The following HEATR6 variants were observed in gnomAD, a reference collection of about 807,000 sequenced individuals.
HEATR6 encodes the protein HEAT repeat-containing protein 6.
HEATR6 carries 106 observed loss-of-function variants against 132.8 expected under a neutral mutation model. The observed-to-expected ratio is 0.80, with a 90% CI of 0.68 to 0.94. The LOEUF is 0.94. HEATR6 is among the 40% of genes least tolerant of loss of function. The probability of loss-of-function intolerance (pLI) is 0.00; values close to 1 mark genes in which losing one functional copy is unlikely to be tolerated. For missense variants in HEATR6, 1,339 were observed against 1,425.1 expected (o/e 0.94, Z 0.97); for synonymous variants, 529 against 537.8 (o/e 0.98, Z 0.23).
At chr17:60,047,484 G>T in intron 17 of HEATR6, 79 bp from the exon 18 acceptor site, 1 of 686,744 alleles carries the variant, frequency 1.5e-6, no homozygotes, top group Non-Finnish European at 2.3e-6. Flanking sequence ...TATTCAATTA[G>T]TATAAGCCTA....
chr17:60,056,268 A>T, intron 12 of HEATR6, 31 bp from the exon 13 acceptor site: 1 of 1,593,010 alleles, frequency 6.3e-7, no homozygotes, highest in Non-Finnish European at 8.6e-7. Flanking sequence ...TAACCCTCTA[A>T]GACCTGAGTG....
chr17:60,078,838 C>A lies in HEATR6; in HGVS notation c.77G>T (p.Arg26Leu), dbSNP rs201049194. 1.4e-5 allele frequency: 23 copies of A among 1,604,066 alleles called. No individual in the cohort carries two copies. Among genetic ancestry groups the A allele is most frequent in the Non-Finnish European group, 2.0e-5 (23 of 1,176,734 alleles). ...REAPREAIPE[R>L]GNGFRLLSAR... ...AGACAAGAGGCGAAACCCATTGCCT[C>A]GCTCAGGGATTGCTTCCCGCGGTGC... Residue 26 changes from arginine (R) to leucine (L), a missense_variant, in exon 1 of 20, where the codon CGA (arginine) becomes CTA (leucine). Physicochemically the swap from Arg to Leu is moderately radical, Grantham distance 102. Coordinates refer to ENST00000184956, the MANE Select transcript of HEATR6 (RefSeq NM_022070.5).
chr17:60,050,972 C>A lies in HEATR6; in HGVS notation c.2295G>T (p.Val765=). ...CGTTCAGCATCATAGTCCAGAACAT[C>A]ACCACCTGGAACGGAGGCAAAGTAA... The part of the protein sequence containing the change: ...PDQRAPVFLV[V]MFWTMMLNGP... Residue 765 remains valine, a synonymous_variant, in exon 15 of 20, where the codon GTG becomes GTT. Coordinates refer to ENST00000184956, the MANE Select transcript of HEATR6 (RefSeq NM_022070.5). 6.2e-7 allele frequency: 1 copy of A among 1,614,006 alleles called. No homozygotes were observed. Among genetic ancestry groups the A allele is most frequent in the Non-Finnish European group, 8.5e-7 (1 of 1,179,942 alleles).
Position 60,069,749 on chromosome 17 carries a change from G to A in HEATR6, c.901C>T (p.Pro301Ser), listed in dbSNP as rs1442835092. 1 of 1,613,914 alleles carries A rather than the reference G, an allele frequency of 6.2e-7. No individual in the cohort carries two copies. The highest frequency in any genetic ancestry group is 1.3e-5 in the African/African-American group (1 of 74,876). The part of the protein sequence containing the change: ...PQYDGRTPIK[P>S]QQSESSASRP... ...GAAGCACTGGATTCTGATTGCTGTG[G>A]TTTGATAGGTGTTCGCCCATCATAC... The change falls in exon 7 of 20, where the codon CCA (proline) becomes TCA (serine). Residue 301 changes from proline (P) to serine (S), a missense_variant. Transcript: ENST00000184956.
chr17:60,059,045 T>C (rs1470950960), intron 11 of HEATR6, among the ~76,000 whole-genome samples: 1 of 152,202 alleles, frequency 6.6e-6, no homozygotes, highest in African/African-American at 2.4e-5. Context: ...GTAGATAATA[T>C]CTATCTGTCC....
At chr17:60,053,978 A>G (rs1228917465) in intron 14 of HEATR6, among the ~76,000 whole-genome samples, 1 of 152,226 alleles carries the variant, frequency 6.6e-6, no homozygotes, top group Non-Finnish European at 1.5e-5. Flanking sequence ...TAGCACGACT[A>G]AAAGGGAGCC....
chr17:60,044,037 A>G lies in HEATR6; in HGVS notation c.3072T>C (p.Leu1024=). ...FKVRIRSAAA[L]SVPGKREQYG... is the part of the protein sequence containing the mutation. The stretch of plus-strand genomic sequence containing the variant: ...ACTGCTCTCTCTTCCCCGGGACGGA[A>G]AGGGCAGCTGCAGATCTGATGCGCA... Residue 1024 remains leucine, a synonymous_variant, in exon 20 of 20, where the codon CTT becomes CTC. Coordinates refer to ENST00000184956, the MANE Select transcript of HEATR6 (RefSeq NM_022070.5). 6.2e-7 allele frequency: 1 copy of G among 1,614,160 alleles called. No homozygotes were observed. Among genetic ancestry groups the G allele is most frequent in the Non-Finnish European group, 8.5e-7 (1 of 1,180,028 alleles).
chr17:60,054,586 A>G (rs953861404), intron 14 of HEATR6, among the ~76,000 whole-genome samples: 1 of 152,234 alleles, frequency 6.6e-6, no homozygotes, highest in Admixed American at 6.5e-5. Flanking sequence ...TGGAGCTTTA[A>G]GGTTTAATGT....
At chr17:60,078,572 G>T in intron 1 of HEATR6, 124 bp downstream of exon 1, 1 of 747,596 alleles carries the variant, frequency 1.3e-6, no homozygotes, top group Non-Finnish European at 2.2e-6. Context: ...GAGGGGGCAC[G>T]CCATCCTGAA....
intron 15 of HEATR6, among the ~76,000 whole-genome samples, chr17:60,050,425 CA>C (rs1452294042): frequency 1.3e-5 from 2 of 152,172 alleles, no homozygotes; most frequent in African/African-American, 4.8e-5. Flanking sequence ...TGTTGGACAA[CA>C]AATCTAAGTA....
intron 1 of HEATR6, among the ~76,000 whole-genome samples, chr17:60,077,593 T>C (rs906126103): frequency 7.9e-5 from 12 of 152,252 alleles, no homozygotes; most frequent in African/African-American, 2.9e-4. Flanking sequence ...TCCAGCTTCA[T>C]ACTGATCTCA....
At chr17:60,047,245 C>T in intron 18 of HEATR6, 64 bp downstream of exon 18, 1 of 1,043,850 alleles carries the variant, frequency 9.6e-7, no homozygotes, top group African/African-American at 1.6e-5. Flanking sequence ...ACTGAACTAC[C>T]ACACTGCAGC....
intron 14 of HEATR6, among the ~76,000 whole-genome samples, chr17:60,052,821 A>AATTG (rs2145185072): frequency 6.6e-6 from 1 of 152,238 alleles, no homozygotes; most frequent in Admixed American, 6.5e-5. Flanking sequence ...AAATCACAGG[A>AATTG]ATTGAATAGA....
intron 4 of HEATR6, 113 bp from the exon 5 acceptor site, chr17:60,072,442 G>C (rs189222954): frequency 2.5e-5 from 13 of 512,748 alleles, no homozygotes; most frequent in African/African-American, 2.4e-4. Context: ...ATATACCCTT[G>C]AGTGCAACTA....
chr17:60,068,652 A>G lies in HEATR6; in HGVS notation c.940-920T>C, dbSNP rs147325191. Among the ~76,000 whole-genome samples the G allele has an allele frequency of 5.2e-3, 792 of 151,422 alleles. 6 individuals are homozygous for G. The highest frequency in any genetic ancestry group is 0.014 in the Middle Eastern group (4 of 294). On this transcript the variant is annotated intron_variant, in intron 7 of 19. Coordinates refer to ENST00000184956, the MANE Select transcript of HEATR6 (RefSeq NM_022070.5). ...CTCCCCGCACTGAAACTCTAGTCCT[A>G]CTAGTTAACAAATGGGCAATATATA...
At chr17:60,046,001 G>A (rs1906351895) in intron 19 of HEATR6, 24 bp downstream of exon 19, 1 of 1,544,998 alleles carries the variant, frequency 6.5e-7, no homozygotes, top group South Asian at 1.1e-5. Context: ...CTTTCCACCA[G>A]GGAGTGAAGG....
chr17:60,078,167 G>C (rs976695398), intron 1 of HEATR6, among the ~76,000 whole-genome samples: 2 of 152,178 alleles, frequency 1.3e-5, no homozygotes, highest in Non-Finnish European at 2.9e-5. Flanking sequence ...AAGGCCTGAT[G>C]TGTGTAAGAT....
Position 60,066,303 on chromosome 17 carries a change from C to A in HEATR6, c.1322G>T (p.Gly441Val). 1 of 1,613,688 alleles carries A rather than the reference C, an allele frequency of 6.2e-7. No individual in the cohort carries two copies. The highest frequency in any genetic ancestry group is 8.5e-7 in the Non-Finnish European group (1 of 1,179,768). The change falls in exon 9 of 20, where the codon GGC becomes GTC. Residue 441 changes from glycine (G) to valine (V), a missense_variant. Physicochemically the swap from Gly to Val is moderately radical, Grantham distance 109. Transcript: ENST00000184956. The part of the protein sequence containing the change: ...IKSIEKKVLY[G>V]YWSAFIPDTP... ...ATCAGGAATAAAAGCTGACCAGTAG[C>A]CATAAAGAACTTTTTTTTCTATCGA...
chr17:60,050,893 C>T lies in HEATR6; in HGVS notation c.2374G>A (p.Ala792Thr), dbSNP rs115608002. The change falls in exon 15 of 20, where the codon GCC (alanine) becomes ACC (threonine). Residue 792 changes from alanine (A) to threonine (T), a missense_variant. Coordinates refer to ENST00000184956, the MANE Select transcript of HEATR6 (RefSeq NM_022070.5). Reference protein sequence around the residue: ...NSEHPTLQASACDALSSILPE... With the variant: ...NSEHPTLQASTCDALSSILPE... ...AAGATGGAAGACAGGGCATCACAGG[C>T]GCTCGCCTGGAGAGTTGGGTGTTCT... The T allele has an allele frequency of 8.7e-5, 140 of 1,614,180 alleles. 1 individual carries two copies. In the East Asian group the frequency reaches 1.1e-3, roughly 13 times the overall value.
Sources: gnomAD v4.1 joint callset for allele counts (sites outside exome capture counted in the v4.1 genomes callset) on GRCh38, gnomAD v4.1.1 for gene constraint, MANE v1.5 for transcripts, NCBI Gene and HGNC (gene_info 2026-07-23, HGNC 2026-07-21) for gene names.